The following STK3 variants were observed in gnomAD, a reference collection of about 807,000 sequenced individuals.
The protein encoded by STK3 is serine/threonine kinase 3.
STK3 carries 41 observed loss-of-function variants against 58.0 expected under a neutral mutation model. That is an observed-to-expected ratio of 0.71 (90% CI 0.55 to 0.92). The LOEUF is 0.92. STK3 is among the 40% of genes least tolerant of loss of function. The pLI is 0.00. For synonymous variants in STK3, 170 were observed against 191.0 expected, an observed-to-expected ratio of 0.89 and a Z score of 0.91; for missense variants, 479 against 602.7, an observed-to-expected ratio of 0.79 and a Z score of 2.15.
chr8:98,835,616 C>T (rs1450095587), intron 3 of STK3, among the ~76,000 whole-genome samples: 3 of 152,174 alleles, frequency 2.0e-5, no homozygotes, highest in African/African-American at 7.2e-5. Flanking sequence ...ACCGAGTGCC[C>T]GCATTGAGAC....
At chr8:98,712,333 C>A (rs1179977732) in intron 4 of STK3, among the ~76,000 whole-genome samples, 1 of 152,140 alleles carries the variant, frequency 6.6e-6, no homozygotes, top group Non-Finnish European at 1.5e-5. Flanking sequence ...AAGACACAGA[C>A]TGGCAAAATT....
In STK3 at chr8:98,412,347, C is replaced by T. The variant is rs189634013; in HGVS notation, n.484-10834G>A. On this transcript the variant is annotated intron_variant and non_coding_transcript_variant, in intron 3 of 3. Coordinates refer to the STK3 transcript ENST00000517832. ...CCATTGTTCAGGCCTCATCTAACAACATCTTTCCTCTGCCTTTGCTGCATA... is the reference window on the plus strand; with the variant it reads ...CCATTGTTCAGGCCTCATCTAACAATATCTTTCCTCTGCCTTTGCTGCATA... Among the ~76,000 whole-genome samples the T allele has an allele frequency of 2.9e-3, 441 of 152,336 alleles. 4 individuals are homozygous for T. Among genetic ancestry groups the T allele is most frequent in the Non-Finnish European group, 5.0e-3 (343 of 68,026 alleles).
chr8:98,556,096 G>A (rs1447330535), intron 8 of STK3, among the ~76,000 whole-genome samples: 17 of 151,942 alleles, frequency 1.1e-4, no homozygotes, highest in Admixed American at 1.1e-3. Flanking sequence ...GGTAAGGTAG[G>A]GGACAGGGAT....
intron 1 of STK3, among the ~76,000 whole-genome samples, chr8:98,790,125 A>T (rs1832718477): frequency 6.6e-6 from 1 of 152,034 alleles, no homozygotes; most frequent in Non-Finnish European, 1.5e-5. Flanking sequence ...AATCCTACTG[A>T]AACTATACCA....
At chr8:98,619,336 A>T (rs1428229983) in intron 6 of STK3, among the ~76,000 whole-genome samples, 2 of 151,880 alleles carry the variant, frequency 1.3e-5, no homozygotes, top group Admixed American at 1.3e-4. Flanking sequence ...AAAGATTTAA[A>T]CGTTAGTCCT....
At chr8:98,918,383 T>C (rs1019005328) in intron 1 of STK3, among the ~76,000 whole-genome samples, 1 of 152,216 alleles carries the variant, frequency 6.6e-6, no homozygotes. Flanking sequence ...GCCTGGAGCA[T>C]AATCAATGCT....
At chr8:98,826,750 C>T (rs1203590100), upstream of STK3, among the ~76,000 whole-genome samples, 1 of 145,358 alleles carries the variant, frequency 6.9e-6, no homozygotes, top group African/African-American at 2.6e-5. Flanking sequence ...ATGGGCCGGG[C>T]GCGGTGGCTC....
At chr8:98,545,182 A>G (rs1034366876) in intron 9 of STK3, among the ~76,000 whole-genome samples, 1 of 152,198 alleles carries the variant, frequency 6.6e-6, no homozygotes, top group African/African-American at 2.4e-5. Context: ...ACCTGCTTTT[A>G]CCCAGTGTCA....
intron 3 of STK3, among the ~76,000 whole-genome samples, chr8:98,753,020 A>C (rs1167902736): frequency 1.3e-5 from 2 of 152,194 alleles, no homozygotes; most frequent in African/African-American, 4.8e-5. Context: ...GGGAGTGTAA[A>C]TTAGTTCAAC....
intron 1 of STK3, among the ~76,000 whole-genome samples, chr8:98,893,480 A>AAGAG (rs1564087197): frequency 2.9e-5 from 2 of 68,620 alleles, no homozygotes; most frequent in African/African-American, 1.3e-4. Context: ...GAAAGAAAGA[A>AAGAG]AGAAAGAGAA....
intron 7 of STK3, among the ~76,000 whole-genome samples, chr8:98,591,539 A>G (rs1211343715): frequency 6.6e-6 from 1 of 152,206 alleles, no homozygotes; most frequent in Non-Finnish European, 1.5e-5. Flanking sequence ...ACTCAAGAAT[A>G]CTCAAATAAT....
At chr8:98,918,606 CAAAAAATA>C (rs1237608010) in intron 1 of STK3, among the ~76,000 whole-genome samples, 1 of 151,830 alleles carries the variant, frequency 6.6e-6, no homozygotes, top group Non-Finnish European at 1.5e-5. Flanking sequence ...CCCGACTCTA[CAAAAAATA>C]AAAAATTAGC....
At chr8:98,748,085 C>T (rs759105819) in intron 4 of STK3, among the ~76,000 whole-genome samples, 1 of 152,150 alleles carries the variant, frequency 6.6e-6, no homozygotes, top group Non-Finnish European at 1.5e-5. Flanking sequence ...AACATTAACA[C>T]TTAAAACTAA....
chr8:98,763,762 T>C (rs930587510), intron 3 of STK3, among the ~76,000 whole-genome samples: 1 of 152,140 alleles, frequency 6.6e-6, no homozygotes, highest in African/African-American at 2.4e-5. Flanking sequence ...ACCTTCCGCC[T>C]TCCAGGTTAA....
intron 1 of STK3, among the ~76,000 whole-genome samples, chr8:98,938,094 AT>A (rs900353600): frequency 4.5e-4 from 69 of 152,268 alleles, no homozygotes; most frequent in African/African-American, 1.5e-3. Flanking sequence ...ATGAAAATTC[AT>A]TTTTGTTTAT....
chr8:98,839,875 A>C (rs1398406769), intron 3 of STK3, among the ~76,000 whole-genome samples: 1 of 152,212 alleles, frequency 6.6e-6, no homozygotes, highest in Admixed American at 6.5e-5. Flanking sequence ...AAAGTAAAAA[A>C]AATAGATTTT....
rs76205350 is a variant in STK3 at position 98,627,941 on chromosome 8, C to A, written c.685-31772G>T. ...GTGCCAGCACACTATGTTGTTTTAA[C>A]ATCAAATGAGAAAATATATAAGATA... On this transcript the variant is annotated intron_variant, in intron 6 of 10. Transcript: ENST00000419617. Among the ~76,000 whole-genome samples the A allele has an allele frequency of 1.3e-3, 204 of 152,266 alleles. 2 individuals carry two copies. In the East Asian group the frequency reaches 0.025, roughly 19 times the overall value.
intron 10 of STK3, among the ~76,000 whole-genome samples, chr8:98,512,961 C>T (rs1586747806): frequency 6.6e-6 from 1 of 152,038 alleles, no homozygotes; most frequent in African/African-American, 2.4e-5. Context: ...TACCGCTTGG[C>T]ATGCAACAAG....
At chr8:98,380,021 C>T (rs963411592) in intron 1 of STK3, among the ~76,000 whole-genome samples, 2 of 152,130 alleles carry the variant, frequency 1.3e-5, no homozygotes, top group African/African-American at 4.8e-5. Context: ...CTTGAGGACA[C>T]CATGCTAAGA....
Sources: gnomAD v4.1 joint callset for allele counts (sites outside exome capture counted in the v4.1 genomes callset) on GRCh38, gnomAD v4.1.1 for gene constraint, MANE v1.5 for transcripts, NCBI Gene and HGNC (gene_info 2026-07-23, HGNC 2026-07-21) for gene names.